Variants in TENM3 observed in about 807,000 individuals in gnomAD.
The protein encoded by TENM3 is teneurin-3.
Under a neutral mutation model 255.1 loss-of-function variants are expected in TENM3, and 63 were observed. That is an observed-to-expected ratio of 0.25 (90% CI 0.20 to 0.30). The LOEUF (loss-of-function observed/expected upper bound fraction) is 0.30. Ranked by LOEUF, TENM3 falls within the 10% of genes least tolerant of loss-of-function variation. TENM3 has a pLI of 1.00. For synonymous variants in TENM3, 1,306 were observed against 1,322.3 expected, an observed-to-expected ratio of 0.99 and a Z score of 0.27; for missense variants, 2,929 against 3,461.1, an observed-to-expected ratio of 0.85 and a Z score of 3.86.
intron 1 of TENM3, among the ~76,000 whole-genome samples, chr4:182,255,322 C>A (rs1290934765): frequency 6.6e-6 from 1 of 152,126 alleles, no homozygotes; most frequent in African/African-American, 2.4e-5. Context: ...CATTTTTAAA[C>A]ACGTAATGGA....
chr4:181,644,740 A>C, the TENM3 span, among the ~76,000 whole-genome samples: 1 of 151,834 alleles, frequency 6.6e-6, no homozygotes, highest in Non-Finnish European at 1.5e-5. Flanking sequence ...CCAGATTCTC[A>C]CCCATAAAGG....
chr4:181,544,430 A>AAAAAAC, the TENM3 span, among the ~76,000 whole-genome samples: 1 of 144,282 alleles, frequency 6.9e-6, no homozygotes, highest in Non-Finnish European at 1.5e-5. Context: ...AAAAAAAAAA[A>AAAAAAC]AAAAAACTAT....
chr4:182,257,658 CG>C (rs1202833515), intron 1 of TENM3, among the ~76,000 whole-genome samples: 1 of 151,974 alleles, frequency 6.6e-6, no homozygotes, highest in Non-Finnish European at 1.5e-5. Flanking sequence ...GGAAAGGGAC[CG>C]GAATCGCCAA....
the TENM3 span, among the ~76,000 whole-genome samples, chr4:181,728,899 T>C: frequency 6.6e-6 from 1 of 152,156 alleles, no homozygotes; most frequent in African/African-American, 2.4e-5. Context: ...AAATTTTTTT[T>C]TTACATTTAA....
the TENM3 span, among the ~76,000 whole-genome samples, chr4:181,623,581 GA>G: frequency 7.2e-5 from 11 of 152,278 alleles, no homozygotes; most frequent in African/African-American, 2.4e-4. Flanking sequence ...CCTCTTTATT[GA>G]GACACTTGAT....
the TENM3 span, among the ~76,000 whole-genome samples, chr4:181,730,837 C>T: frequency 6.6e-6 from 1 of 152,082 alleles, no homozygotes; most frequent in Non-Finnish European, 1.5e-5. Context: ...AGCTATGCAG[C>T]CACCAAAGTA....
chr4:182,464,443 G>C (rs1324100244), intron 3 of TENM3, among the ~76,000 whole-genome samples: 1 of 152,038 alleles, frequency 6.6e-6, no homozygotes, highest in Non-Finnish European at 1.5e-5. Context: ...TTTTAGTAGA[G>C]ACAGGGTTTC....
At chr4:181,855,317 G>A in the TENM3 span, among the ~76,000 whole-genome samples, 2 of 152,190 alleles carry the variant, frequency 1.3e-5, no homozygotes, top group African/African-American at 4.8e-5. Context: ...CTTGACAGAT[G>A]TTTTCTAATG....
At chr4:182,668,022 G>C (rs1754866920) in intron 6 of TENM3, among the ~76,000 whole-genome samples, 1 of 151,924 alleles carries the variant, frequency 6.6e-6, no homozygotes, top group African/African-American at 2.4e-5. Flanking sequence ...GTTGGGGTGA[G>C]TGATAAGTTC....
chr4:181,790,035 A>G, the TENM3 span, among the ~76,000 whole-genome samples: 12 of 152,330 alleles, frequency 7.9e-5, no homozygotes, highest in South Asian at 1.0e-3. Flanking sequence ...TGGGTGGGTC[A>G]GAAGTGTATG....
chr4:181,621,204 C>T, the TENM3 span, among the ~76,000 whole-genome samples: 2 of 152,136 alleles, frequency 1.3e-5, no homozygotes, highest in Non-Finnish European at 2.9e-5. Context: ...AGTCCTTCAA[C>T]TTAATGATTC....
chr4:181,917,787 G>T, the TENM3 span, among the ~76,000 whole-genome samples: 2 of 149,802 alleles, frequency 1.3e-5, no homozygotes, highest in Non-Finnish European at 3.0e-5. Flanking sequence ...TCAACCTCCC[G>T]AGAGGCCGGG....
intron 1 of TENM3, among the ~76,000 whole-genome samples, chr4:182,315,213 C>T (rs1353245283): frequency 6.6e-6 from 1 of 152,142 alleles, no homozygotes; most frequent in East Asian, 1.9e-4. Context: ...TAACCACATA[C>T]CATTTTCAAG....
the TENM3 span, among the ~76,000 whole-genome samples, chr4:181,454,668 A>ACCATTTTTATACTTTTTTTTTTTTTTTT: frequency 1.1e-5 from 1 of 88,172 alleles, no homozygotes; most frequent in Non-Finnish European, 2.2e-5. Flanking sequence ...TATGTTTTTT[A>ACCATTTTTATACTTTTTTTTTTTTTTTT]TACCATTTTT....
At chr4:181,742,560 TA>T in the TENM3 span, among the ~76,000 whole-genome samples, 1 of 152,084 alleles carries the variant, frequency 6.6e-6, no homozygotes, top group Non-Finnish European at 1.5e-5. Flanking sequence ...ATGGACAGAA[TA>T]AATAAGAATA....
At chr4:182,656,525 C>T (rs1217015928) in intron 6 of TENM3, among the ~76,000 whole-genome samples, 1 of 152,086 alleles carries the variant, frequency 6.6e-6, no homozygotes, top group Non-Finnish European at 1.5e-5. Flanking sequence ...CCTCAGTGTC[C>T]ATGCACCACC....
At chr4:182,536,075 G>C (rs924267632) in intron 3 of TENM3, among the ~76,000 whole-genome samples, 4 of 152,114 alleles carry the variant, frequency 2.6e-5, no homozygotes, top group African/African-American at 9.7e-5. Flanking sequence ...TAAATGCCAC[G>C]AACAAATATG....
At chr4:182,705,137 G>T (rs1166446677) in intron 12 of TENM3, among the ~76,000 whole-genome samples, 2 of 152,156 alleles carry the variant, frequency 1.3e-5, no homozygotes, top group African/African-American at 4.8e-5. Flanking sequence ...TTAAACAGTT[G>T]CTGATTGGAA....
chr4:181,468,948 C>A, the TENM3 span, among the ~76,000 whole-genome samples: 1 of 152,130 alleles, frequency 6.6e-6, no homozygotes, highest in Admixed American at 6.5e-5. Context: ...CTTTTGCTTC[C>A]TTTTGGTATA....
Sources: gnomAD v4.1 joint callset for allele counts (sites outside exome capture counted in the v4.1 genomes callset) on GRCh38, gnomAD v4.1.1 for gene constraint, MANE v1.5 for transcripts, NCBI Gene and HGNC (gene_info 2026-07-23, HGNC 2026-07-21) for gene names.